Variants in KCNIP1 observed in about 807,000 individuals in gnomAD.
KCNIP1 encodes A-type potassium channel modulatory protein KCNIP1.
In KCNIP1, 18 loss-of-function variants were observed where a neutral mutation model predicts 33.0. The ratio of observed to expected loss-of-function variants is 0.55; its 90% CI spans 0.38 to 0.81. The LOEUF (loss-of-function observed/expected upper bound fraction) is 0.81, where lower values mean the gene tolerates loss of function less well. KCNIP1 is among the 30% of genes least tolerant of loss of function. The pLI, the probability that KCNIP1 is intolerant of heterozygous loss-of-function variation, is 0.00. For synonymous variants in KCNIP1, 93 were observed against 98.3 expected, an observed-to-expected ratio of 0.95 and a Z score of 0.32; for missense variants, 238 against 271.6, an observed-to-expected ratio of 0.88 and a Z score of 0.87.
intron 1 of KCNIP1, among the ~76,000 whole-genome samples, chr5:170,553,141 G>A (rs907080982): frequency 1.3e-5 from 2 of 152,360 alleles, no homozygotes; most frequent in East Asian, 3.9e-4. Flanking sequence ...CTCTGGGCCA[G>A]ACACCACAGG....
intron 1 of KCNIP1, among the ~76,000 whole-genome samples, chr5:170,583,960 G>A (rs989948779): frequency 6.6e-6 from 1 of 152,154 alleles, no homozygotes; most frequent in Admixed American, 6.5e-5. Context: ...TTAACACTGA[G>A]GATATGGATG....
At chr5:170,449,326 GA>G (rs1365598858) in intron 1 of KCNIP1, among the ~76,000 whole-genome samples, 1 of 152,184 alleles carries the variant, frequency 6.6e-6, no homozygotes, top group African/African-American at 2.4e-5. Context: ...CCCAACTCCT[GA>G]AAAGTAGCCC....
chr5:170,677,974 A>T (rs1762207280), intron 1 of KCNIP1, among the ~76,000 whole-genome samples: 1 of 152,200 alleles, frequency 6.6e-6, no homozygotes, highest in South Asian at 2.1e-4. Context: ...TCCAATACAA[A>T]CATATTCACC....
At chr5:170,530,230 G>A (rs1296787865) in intron 1 of KCNIP1, among the ~76,000 whole-genome samples, 1 of 152,188 alleles carries the variant, frequency 6.6e-6, no homozygotes, top group African/African-American at 2.4e-5. Flanking sequence ...TCAAAACATG[G>A]AAGGTTGCTG....
At chr5:170,591,355 C>T (rs4867987) in intron 1 of KCNIP1, among the ~76,000 whole-genome samples, 117,015 of 151,100 alleles carry the variant, frequency 0.77, 45,538 homozygotes, top group East Asian at 0.91. Flanking sequence ...GGAAGCTCTA[C>T]TTAGCTTGCT....
At chr5:170,392,389 G>A (rs766318557) in intron 1 of KCNIP1, among the ~76,000 whole-genome samples, 2 of 152,254 alleles carry the variant, frequency 1.3e-5, no homozygotes, top group Non-Finnish European at 2.9e-5. Flanking sequence ...AATTTGTTAT[G>A]CAGTCATAGT....
At chr5:170,656,453 G>C (rs1163580218) in intron 1 of KCNIP1, among the ~76,000 whole-genome samples, 5 of 152,220 alleles carry the variant, frequency 3.3e-5, no homozygotes, top group African/African-American at 1.2e-4. Context: ...CTGAAGGACA[G>C]AACCCAGAGA....
chr5:170,573,388 C>T (rs1010804590), intron 1 of KCNIP1, among the ~76,000 whole-genome samples: 1 of 152,186 alleles, frequency 6.6e-6, no homozygotes, highest in African/African-American at 2.4e-5. Flanking sequence ...GGCAGTGCCT[C>T]TCTAACTCAA....
chr5:170,365,982 A>G (rs1056352661), intron 1 of KCNIP1, among the ~76,000 whole-genome samples: 4 of 152,192 alleles, frequency 2.6e-5, no homozygotes, highest in Non-Finnish European at 5.9e-5. Context: ...TCCTAGGCAA[A>G]CCAGGGACCT....
chr5:170,370,111 G>A (rs1299818635), intron 1 of KCNIP1, among the ~76,000 whole-genome samples: 1 of 151,980 alleles, frequency 6.6e-6, no homozygotes, highest in African/African-American at 2.4e-5. Context: ...GAGAGAGAGG[G>A]AGGTGAGGCA....
intron 1 of KCNIP1, among the ~76,000 whole-genome samples, chr5:170,356,148 G>T (rs1333293491): frequency 1.3e-5 from 2 of 152,212 alleles, no homozygotes; most frequent in Non-Finnish European, 2.9e-5. Flanking sequence ...CCCCTAGGTG[G>T]ATTTAGATTC....
chr5:170,385,746 C>T (rs949241019), intron 1 of KCNIP1, among the ~76,000 whole-genome samples: 1 of 151,824 alleles, frequency 6.6e-6, no homozygotes, highest in African/African-American at 2.4e-5. Flanking sequence ...TAATGGCCCC[C>T]CAAGATGTCT....
chr5:170,579,614 T>C (rs992959107), intron 1 of KCNIP1, among the ~76,000 whole-genome samples: 1 of 152,210 alleles, frequency 6.6e-6, no homozygotes, highest in African/African-American at 2.4e-5. Context: ...CATCTCCCCA[T>C]GTAACAAACC....
chr5:170,674,161 AAGGAAGGAAGGAAGGAAGGAAGGGAGGG>A (rs1193631555), intron 1 of KCNIP1, among the ~76,000 whole-genome samples: 918 of 79,404 alleles, frequency 0.012, 35 homozygotes, highest in African/African-American at 0.05. Flanking sequence ...GGAAGGAAGG[AAGGAAGGAAGGAAGGAAGGAAGGGAGGG>A]AGGGAGGGAG....
At chr5:170,652,082 G>C (rs1282043992) in intron 1 of KCNIP1, among the ~76,000 whole-genome samples, 1 of 152,174 alleles carries the variant, frequency 6.6e-6, no homozygotes, top group Non-Finnish European at 1.5e-5. Flanking sequence ...GGCTGGCTGT[G>C]GGGGAGGGGG....
At chr5:170,483,634 GC>G (rs1179715466) in intron 1 of KCNIP1, among the ~76,000 whole-genome samples, 1 of 152,166 alleles carries the variant, frequency 6.6e-6, no homozygotes, top group African/African-American at 2.4e-5. Context: ...CATCTTTACA[GC>G]TGTATCCTGC....
chr5:170,623,132 G>A (rs923085359), intron 1 of KCNIP1, among the ~76,000 whole-genome samples: 1 of 152,200 alleles, frequency 6.6e-6, no homozygotes, highest in Non-Finnish European at 1.5e-5. Context: ...ATGCTTGCTC[G>A]CCAGCTCACC....
chr5:170,663,449 G>C (rs1251537143), intron 1 of KCNIP1, among the ~76,000 whole-genome samples: 1 of 152,068 alleles, frequency 6.6e-6, no homozygotes, highest in African/African-American at 2.4e-5. Context: ...AGCTGCACCA[G>C]GCCAGCTGAG....
chr5:170,419,554 T>C (rs17649320), intron 1 of KCNIP1, among the ~76,000 whole-genome samples: 16,242 of 152,286 alleles, frequency 0.11, 1,081 homozygotes, highest in Middle Eastern at 0.22. Context: ...TCAGAAATTA[T>C]GTGAAATTAT....
Sources: allele counts gnomAD v4.1 joint callset (sites outside exome capture counted in the v4.1 genomes callset), GRCh38; gene constraint gnomAD v4.1.1; transcripts MANE v1.5; gene names NCBI Gene and HGNC (gene_info 2026-07-23, HGNC 2026-07-21).